The following PPP3CA variants were observed in gnomAD, a reference collection of about 807,000 sequenced individuals.
PPP3CA encodes protein phosphatase 3 catalytic subunit alpha.
Under a neutral mutation model 66.5 loss-of-function variants are expected in PPP3CA, and 14 were observed. The ratio of observed to expected loss-of-function variants is 0.21; its 90% confidence interval spans 0.14 to 0.33. PPP3CA has a LOEUF of 0.33. Ranked by LOEUF, PPP3CA falls within the 10% of genes least tolerant of loss-of-function variation. The pLI, the probability that PPP3CA is intolerant of heterozygous loss-of-function variation, is 1.00. For missense variants in PPP3CA, 317 were observed against 639.5 expected (o/e 0.50, Z 5.44); for synonymous variants, 232 against 226.2 (o/e 1.03, Z -0.23).
intron 1 of PPP3CA, among the ~76,000 whole-genome samples, chr4:101,288,380 C>A (rs1560699710): frequency 6.6e-6 from 1 of 152,056 alleles, no homozygotes; most frequent in Non-Finnish European, 1.5e-5. Context: ...TACCTACCCC[C>A]CAAAAATTGC....
chr4:101,076,420 A>C (rs1263804966), intron 8 of PPP3CA, among the ~76,000 whole-genome samples: 1 of 152,192 alleles, frequency 6.6e-6, no homozygotes, highest in African/African-American at 2.4e-5. Context: ...CAAACTAATT[A>C]TAACCTCATT....
intron 1 of PPP3CA, among the ~76,000 whole-genome samples, chr4:101,250,168 C>T (rs1001054849): frequency 2.6e-5 from 4 of 152,066 alleles, no homozygotes; most frequent in Non-Finnish European, 5.9e-5. Flanking sequence ...TAATCTAAGC[C>T]TTTTCTTATA....
intron 1 of PPP3CA, among the ~76,000 whole-genome samples, chr4:101,231,863 A>C (rs1480795436): frequency 1.3e-5 from 2 of 151,774 alleles, no homozygotes. Context: ...ATTAAAACAC[A>C]GTAGTATTCA....
At chr4:101,339,615 C>T (rs778892084) in intron 1 of PPP3CA, among the ~76,000 whole-genome samples, 13 of 152,274 alleles carry the variant, frequency 8.5e-5, no homozygotes, top group Non-Finnish European at 1.6e-4. Flanking sequence ...ACAAATGGAA[C>T]TTAATATAAT....
rs1724781677 is a variant in PPP3CA, at chr4:101,196,087, T to G, written c.88A>C (p.Thr30Pro). 6.2e-7 allele frequency: 1 copy of G among 1,613,898 alleles called. No individual in the cohort carries two copies. Among genetic ancestry groups the G allele is most frequent in the Non-Finnish European group, 8.5e-7 (1 of 1,179,972 alleles). The change falls in exon 2 of 14, where the codon ACA (threonine) becomes CCA (proline). Residue 30 changes from threonine to proline, a missense_variant. Physicochemically the swap from Thr to Pro is conservative, Grantham distance 38. Transcript: ENST00000394854. Reference protein sequence around the residue: ...AVPFPPSHRLTAKEVFDNDGK... With the variant: ...AVPFPPSHRLPAKEVFDNDGK... ...TCATTATCAAACACTTCTTTTGCTG[T>G]AAGCCGGTGACTTGGAGGAAATGGA...
At chr4:101,143,547 C>G (rs1722875538) in intron 2 of PPP3CA, among the ~76,000 whole-genome samples, 2 of 152,106 alleles carry the variant, frequency 1.3e-5, no homozygotes, top group Admixed American at 6.6e-5. Flanking sequence ...CATTCTATTC[C>G]ATTTCTATGG....
chr4:101,312,183 C>T (rs937940760), intron 1 of PPP3CA, among the ~76,000 whole-genome samples: 5 of 152,010 alleles, frequency 3.3e-5, no homozygotes, highest in Admixed American at 1.3e-4. Context: ...AGTAAATATA[C>T]ATGCATATAT....
intron 1 of PPP3CA, among the ~76,000 whole-genome samples, chr4:101,274,385 A>C (rs150448896): frequency 2.6e-5 from 4 of 152,204 alleles, no homozygotes; most frequent in Non-Finnish European, 5.9e-5. Context: ...TTGAGTCTTT[A>C]CTCAATTAGT....
intron 1 of PPP3CA, among the ~76,000 whole-genome samples, chr4:101,235,984 G>A (rs1349690588): frequency 2.0e-5 from 3 of 150,336 alleles, no homozygotes; most frequent in Non-Finnish European, 4.4e-5. Flanking sequence ...GGACTAGAAA[G>A]ACCATTATAT....
intron 2 of PPP3CA, among the ~76,000 whole-genome samples, chr4:101,145,170 AC>A (rs1560625430): frequency 6.6e-6 from 1 of 152,146 alleles, no homozygotes; most frequent in African/African-American, 2.4e-5. Flanking sequence ...TTAAAAGGAA[AC>A]TTTGTCTGCT....
At chr4:101,135,930 G>T (rs1411348992) in intron 2 of PPP3CA, among the ~76,000 whole-genome samples, 1 of 152,182 alleles carries the variant, frequency 6.6e-6, no homozygotes, top group Admixed American at 6.5e-5. Flanking sequence ...AATCAGCTAT[G>T]ATATATTGAA....
Position 101,026,032 on chromosome 4 carries a change from T to A in PPP3CA, c.1399A>T (p.Ile467Phe). The A allele has an allele frequency of 6.2e-7, 1 of 1,604,306 alleles. No individual in the cohort carries two copies. Among genetic ancestry groups the A allele is most frequent in the Non-Finnish European group, 8.5e-7 (1 of 1,176,944 alleles). The stretch of plus-strand genomic sequence containing the variant: ...CCCTTGGCTTCCTCGAAGCTAGTGA[T>A]CTTATGTTGTGGTGAAAATCCTTTG... ...AIKGFSPQHK[I>F]TSFEEAKGLD... is the part of the protein sequence containing the mutation. Residue 467 changes from isoleucine to phenylalanine, a missense_variant, in exon 14 of 14, where the codon ATC becomes TTC. By Grantham distance (21) the Ile-to-Phe change is conservative (BLOSUM62 0). Around this residue, in one of 3 missense-constraint regions of PPP3CA, gnomAD observed 201 missense variants for 501.4 expected, o/e 0.40. Transcript: ENST00000394854.
At chr4:101,263,239 TAGAC>T (rs1375552890) in intron 1 of PPP3CA, among the ~76,000 whole-genome samples, 1 of 152,202 alleles carries the variant, frequency 6.6e-6, no homozygotes, top group Admixed American at 6.5e-5. Flanking sequence ...CAGAAAATCT[TAGAC>T]TGACTAGTCC....
At chr4:101,264,961 A>G (rs1727124146) in intron 1 of PPP3CA, among the ~76,000 whole-genome samples, 1 of 152,188 alleles carries the variant, frequency 6.6e-6, no homozygotes, top group African/African-American at 2.4e-5. Context: ...TAGGCCAAAC[A>G]ATTCTCTCTG....
In PPP3CA at chr4:101,145,173, T is replaced by G. The variant is rs143326584; in HGVS notation, c.260-36095A>C. ...GGAAAAAAAATCTTAAAAGGAAACT[T>G]TGTCTGCTGTTGGTGAGAATGTAAA... On this transcript the variant is annotated intron_variant, in intron 2 of 13. Transcript: ENST00000394854. 3.9e-5 allele frequency among the ~76,000 whole-genome samples: 6 copies of G among 152,238 alleles called. No individual in the cohort carries two copies. The East Asian group carries it at 1.2e-3, about 29-fold the overall frequency.
intron 1 of PPP3CA, among the ~76,000 whole-genome samples, chr4:101,207,356 A>G (rs930313473): frequency 6.6e-6 from 1 of 152,220 alleles, no homozygotes; most frequent in Non-Finnish European, 1.5e-5. Flanking sequence ...TGCAATATCC[A>G]AGACTTAATA....
intron 2 of PPP3CA, among the ~76,000 whole-genome samples, chr4:101,136,067 A>G (rs1278625631): frequency 6.6e-6 from 1 of 152,222 alleles, no homozygotes; most frequent in Non-Finnish European, 1.5e-5. Context: ...ACCACTGATT[A>G]TAAGACATAT....
At chr4:101,102,683 T>C (rs2110257195) in intron 3 of PPP3CA, among the ~76,000 whole-genome samples, 1 of 152,228 alleles carries the variant, frequency 6.6e-6, no homozygotes, top group East Asian at 1.9e-4. Context: ...AATCATAACC[T>C]GATAGTTTTT....
intron 6 of PPP3CA, among the ~76,000 whole-genome samples, chr4:101,084,015 A>C (rs1421322222): frequency 6.6e-6 from 1 of 152,226 alleles, no homozygotes; most frequent in African/African-American, 2.4e-5. Flanking sequence ...TTCATTATAA[A>C]TGAAATTCAA....
Sources: gnomAD v4.1 joint callset for allele counts (sites outside exome capture counted in the v4.1 genomes callset) on GRCh38, gnomAD v4.1.1 for gene constraint, gnomAD v4.1.1 regional missense constraint, MANE v1.5 for transcripts, NCBI Gene and HGNC (gene_info 2026-07-23, HGNC 2026-07-21) for gene names.